The following JAK3 variants were observed in gnomAD, a reference collection of about 807,000 sequenced individuals.
JAK3 encodes the protein tyrosine-protein kinase JAK3.
In JAK3, 88 loss-of-function variants were observed where a neutral mutation model predicts 120.8. That is an observed-to-expected ratio of 0.73 (90% CI 0.61 to 0.87). The LOEUF is 0.87. Ranked by LOEUF, JAK3 falls within the 40% of genes least tolerant of loss-of-function variation. The pLI is 0.00. For synonymous variants in JAK3, 592 were observed against 628.6 expected (o/e 0.94, Z 0.87); for missense variants, 1,254 against 1,501.4 (o/e 0.84, Z 2.72).
chr19:17,835,273 T>C (rs2094222209), intron 14 of JAK3, 58 bp from the exon 15 acceptor site: 2 of 1,593,632 alleles, frequency 1.3e-6, no homozygotes, highest in African/African-American at 2.7e-5. Flanking sequence ...AAGAGTCTGT[T>C]TGGCAAACTC....
Position 17,843,228 on chromosome 19 carries a change from G to A in JAK3, c.421-56C>T. 6.4e-7 allele frequency: 1 copy of A among 1,569,628 alleles called. No individual in the cohort carries two copies. Among genetic ancestry groups the A allele is most frequent in the Non-Finnish European group, 8.6e-7 (1 of 1,158,480 alleles). Reference sequence around the variant, plus strand: ...AGGCCACCCAACTTCAAGCCCTGTTGTTAACCTGCAGACCCCCCCAATCCT... The same window carrying A: ...AGGCCACCCAACTTCAAGCCCTGTTATTAACCTGCAGACCCCCCCAATCCT... On this transcript the variant is annotated intron_variant, in intron 4 of 23. Coordinates refer to ENST00000458235, the MANE Select transcript of JAK3 (RefSeq NM_000215.4). The surrounding 1 kb of genome is among the most constrained non-coding windows in gnomAD (Gnocchi z 5.4).
chr19:17,832,462 T>C lies in JAK3; in HGVS notation c.2680+57A>G. The C allele has an allele frequency of 1.9e-6, 3 of 1,564,230 alleles. No individual in the cohort carries two copies. Among genetic ancestry groups the C allele is most frequent in the Non-Finnish European group, 2.6e-6 (3 of 1,134,744 alleles). Reference sequence around the variant, plus strand: ...AAGTGGCCTGGCAGGAGGGTAAGAATGTGCACTTTGAAAAGCACCCATACG... The same window carrying C: ...AAGTGGCCTGGCAGGAGGGTAAGAACGTGCACTTTGAAAAGCACCCATACG... On this transcript the variant is annotated intron_variant, in intron 19 of 23. Transcript: ENST00000458235. This position sits in a 1 kb window ranked among gnomAD's most constrained non-coding sequence, Gnocchi z 4.7.
At chr19:17,839,885 T>G (rs770447073) in intron 9 of JAK3, among the ~76,000 whole-genome samples, 1 of 151,890 alleles carries the variant, frequency 6.6e-6, no homozygotes, top group Non-Finnish European at 1.5e-5. Flanking sequence ...GGACTACAGA[T>G]GCCCACTACC....
Position 17,834,609 on chromosome 19 carries a change from C to T in JAK3, c.2312G>A (p.Arg771Gln), listed in dbSNP as rs1490273737. The T allele has an allele frequency of 6.8e-6, 11 of 1,613,818 alleles. No homozygotes were observed. Among genetic ancestry groups the T allele is most frequent in the Admixed American group, 6.7e-5 (4 of 59,970 alleles). ...GCTATTGAGGTCACGAATGACGGCT[C>T]GGAAGGAGGGCCTCTGGACCGGCTC... ...AYEPVQRPSF[R>Q]AVIRDLNSLI... Residue 771 changes from arginine to glutamine, a missense_variant, in exon 17 of 24, where the codon CGA becomes CAA. By Grantham distance (43) the Arg-to-Gln change is conservative (BLOSUM62 1). Coordinates refer to ENST00000458235, the MANE Select transcript of JAK3 (RefSeq NM_000215.4).
At position 17,831,411 on chromosome 19, in the gene JAK3, G is replaced by A. The variant is rs1395741195; in HGVS notation, c.2806-11C>T. The A allele has an allele frequency of 3.7e-6, 6 of 1,601,318 alleles. No homozygotes were observed. Among genetic ancestry groups the A allele is most frequent in the Non-Finnish European group, 5.1e-6 (6 of 1,179,652 alleles). On this transcript the variant is annotated splice_polypyrimidine_tract_variant and intron_variant, in intron 20 of 23. Transcript: ENST00000458235. This position sits in a 1 kb window ranked among gnomAD's most constrained non-coding sequence, Gnocchi z 5.1. ...CAGGTACTCCATGCCCTGCGGGCGG[G>A]CGGTGTGAGCGTGCAGAGAGGATCC...
rs1405492766 is a variant in JAK3 at position 17,824,999 on chromosome 19, G to C, written c.*1744C>G. ...AGGCTGCAAGGATGTGGTAGCTGGA[G>C]TTTTGAGAGATGGATAAGAGTTTTC... On this transcript the variant is annotated 3_prime_UTR_variant, in exon 24 of 24. Transcript: ENST00000458235. The C allele has an allele frequency of 4.5e-6, 1 of 223,880 alleles. No individual in the cohort carries two copies. Among genetic ancestry groups the C allele is most frequent in the East Asian group, 6.5e-5 (1 of 15,482 alleles). The allele number at this position is 223,880 out of a possible 1,614,324, so 13.9% of individuals were successfully genotyped here. A position where few individuals can be genotyped will look rare whatever the true frequency, so the allele number is the denominator to read the frequency against.
chr19:17,845,847 CAG>C (rs767268736), intron 1 of JAK3, among the ~76,000 whole-genome samples: 4 of 152,064 alleles, frequency 2.6e-5, no homozygotes, highest in South Asian at 2.1e-4. Flanking sequence ...TGTTTTGAGA[CAG>C]AGTCTAGCTC....
rs947193056 is a variant in JAK3 at position 17,832,191 on chromosome 19, G to A, written c.2680+328C>T. ...GCAGGAGAATCACTTGAACTTGGAA[G>A]GCAGAGGTTGCAGTGAGCCGAGATT... is the stretch of plus-strand genomic sequence containing the variant. On this transcript the variant is annotated intron_variant, in intron 19 of 23. Coordinates refer to ENST00000458235, the MANE Select transcript of JAK3 (RefSeq NM_000215.4). The surrounding 1 kb of genome is among the most constrained non-coding windows in gnomAD (Gnocchi z 4.7). 6.6e-6 allele frequency among the ~76,000 whole-genome samples: 1 copy of A among 152,180 alleles called. No homozygotes were observed. The highest frequency in any genetic ancestry group is 1.9e-4 in the East Asian group (1 of 5,184).
Position 17,842,307 on chromosome 19 carries a change from C to A in JAK3, c.861+9G>T, listed in dbSNP as rs779139433. The A allele has an allele frequency of 2.5e-5, 39 of 1,569,088 alleles. No individual in the cohort carries two copies. The highest frequency in any genetic ancestry group is 3.3e-5 in the Non-Finnish European group (38 of 1,164,012). On this transcript the variant is annotated intron_variant, in intron 6 of 23. Transcript: ENST00000458235. This position sits in a 1 kb window ranked among gnomAD's most constrained non-coding sequence, Gnocchi z 6.4. ...GTTGGCCCCGCCCAGCGGGGGAGTC[C>A]GCCCTCACCTCCTGTTCTCCCTGGG...
chr19:17,839,079 G>T, intron 10 of JAK3: 1 of 358,568 alleles, frequency 2.8e-6, no homozygotes, highest in Non-Finnish European at 5.4e-6. Flanking sequence ...TGAGCGACAA[G>T]GAAGGAAGGA....
At chr19:17,830,455 G>A in intron 22 of JAK3, 48 bp downstream of exon 22, 1 of 1,447,830 alleles carries the variant, frequency 6.9e-7, no homozygotes, top group Non-Finnish European at 9.6e-7. Context: ...TTGGCCACGA[G>A]GGGCGTGGAG....
Position 17,832,199 on chromosome 19 carries a change from T to C in JAK3, c.2680+320A>G, listed in dbSNP as rs1282728275. Among the ~76,000 whole-genome samples the C allele has an allele frequency of 6.6e-6, 1 of 152,060 alleles. No individual in the cohort carries two copies. The highest frequency in any genetic ancestry group is 1.5e-5 in the Non-Finnish European group (1 of 68,006). The stretch of plus-strand genomic sequence containing the variant: ...ATCACTTGAACTTGGAAGGCAGAGG[T>C]TGCAGTGAGCCGAGATTGAGCCACT... On this transcript the variant is annotated intron_variant, in intron 19 of 23. Transcript: ENST00000458235. The surrounding 1 kb of genome is among the most constrained non-coding windows in gnomAD (Gnocchi z 4.7).
At chr19:17,838,127 C>A in intron 11 of JAK3, 64 bp from the exon 12 acceptor site, 1 of 1,612,906 alleles carries the variant, frequency 6.2e-7, no homozygotes, top group Non-Finnish European at 8.5e-7. Context: ...CCAGCCCAAG[C>A]GAGACATAGC....
intron 8 of JAK3, 59 bp from the exon 9 acceptor site, chr19:17,840,400 C>A (rs954076866): frequency 8.6e-7 from 1 of 1,169,512 alleles, no homozygotes; most frequent in Admixed American, 1.9e-5. Flanking sequence ...GACAGAGAGA[C>A]CTGGGCTCAA....
Position 17,843,057 on chromosome 19 carries a change from T to C in JAK3, c.536A>G (p.Gln179Arg), listed in dbSNP as rs2147698754. 1 of 1,610,844 alleles carries C rather than the reference T, an allele frequency of 6.2e-7. No homozygotes were observed. Among genetic ancestry groups the C allele is most frequent in the African/African-American group, 1.3e-5 (1 of 75,042 alleles). Residue 179 changes from glutamine to arginine, a missense_variant, in exon 5 of 24, where the codon CAG becomes CGG. Transcript: ENST00000458235. This position sits in a 1 kb window ranked among gnomAD's most constrained non-coding sequence, Gnocchi z 5.4. The part of the protein sequence containing the change: ...DLARMAREQA[Q>R]RPGELLKTVS... ...AGTCTTCAGCAGCTCTCCCGGCCGCTGGGCCTGCTCTCGCGCCATCCGGGC... is the reference window on the plus strand; with the variant it reads ...AGTCTTCAGCAGCTCTCCCGGCCGCCGGGCCTGCTCTCGCGCCATCCGGGC...
Position 17,826,415 on chromosome 19 carries a change from A to C in JAK3, c.*328T>G. 1 of 333,150 alleles carries C rather than the reference A, an allele frequency of 3.0e-6. No homozygotes were observed. The highest frequency in any genetic ancestry group is 2.1e-5 in the African/African-American group (1 of 48,622). The allele number at this position is 333,150 out of a possible 1,614,324, so 20.6% of individuals were successfully genotyped here. On this transcript the variant is annotated 3_prime_UTR_variant, in exon 24 of 24. Coordinates refer to ENST00000458235, the MANE Select transcript of JAK3 (RefSeq NM_000215.4). ...TAAAAATAAAAATAAAAAAAATAAAAAGAGAGAGACAGAAAAGGAAACTCA... is the reference window on the plus strand; with the variant it reads ...TAAAAATAAAAATAAAAAAAATAAACAGAGAGAGACAGAAAAGGAAACTCA...
chr19:17,836,981 CATAA>C lies in JAK3; in HGVS notation c.1786+144_1786+147del, dbSNP rs3212757. The C allele has an allele frequency of 0.014, 9,911 of 703,956 alleles. 691 individuals are homozygous for C. In the African/African-American group the frequency reaches 0.15, roughly 11 times the overall value. The allele number at this position is 703,956 out of a possible 1,614,324, so 43.6% of individuals were successfully genotyped here. A position where few individuals can be genotyped will look rare whatever the true frequency, so the allele number is the denominator to read the frequency against. ...TTTCCAAGGAGTGATGATGGAGAGACATAAATAAAGGGTAATGAACACGGCTCCC... is the reference window on the plus strand; with the variant it reads ...TTTCCAAGGAGTGATGATGGAGAGACATAAAGGGTAATGAACACGGCTCCC... On this transcript the variant is annotated intron_variant, in intron 13 of 23. Transcript: ENST00000458235.
rs34803277 is a variant in JAK3, at chr19:17,825,900, CAAAAA to C, written c.*838_*842del. On this transcript the variant is annotated 3_prime_UTR_variant, in exon 24 of 24. Transcript: ENST00000458235. ...TGGGCGACAGAGCGAGACTCCGTCT[CAAAAA>C]AAAAAAAAAAAAAAAAGCTACATGA... The C allele has an allele frequency of 3.8e-5, 2 of 52,830 alleles. No homozygotes were observed. Among genetic ancestry groups the C allele is most frequent in the Admixed American group, 2.4e-4 (1 of 4,118 alleles). The allele number at this position is 52,830 out of a possible 1,614,324, so 3.3% of individuals were successfully genotyped here.
intron 13 of JAK3, 48 bp from the exon 14 acceptor site, chr19:17,836,099 G>T: frequency 6.2e-7 from 1 of 1,609,218 alleles, no homozygotes; most frequent in Non-Finnish European, 8.5e-7. Flanking sequence ...AACTGCACTT[G>T]TGTTGAGGAG....
Sources: gnomAD v4.1 joint callset for allele counts (sites outside exome capture counted in the v4.1 genomes callset) on GRCh38, gnomAD v4.1.1 for gene constraint, Gnocchi (gnomAD v3.1) non-coding constraint, MANE v1.5 for transcripts, NCBI Gene and HGNC (gene_info 2026-07-23, HGNC 2026-07-21) for gene names.